LHX6: variants seen among roughly 807,000 people sequenced by gnomAD.
LHX6 encodes LIM homeobox 6, also known as LIM/homeobox protein Lhx6.
LHX6 carries 15 observed loss-of-function variants against 47.1 expected under a neutral mutation model. The observed-to-expected ratio is 0.32, with a 90% CI of 0.21 to 0.49. The LOEUF (loss-of-function observed/expected upper bound fraction) is 0.49. LHX6 is among the 20% of genes least tolerant of loss of function. LHX6 has a pLI of 0.99. For synonymous variants in LHX6, 242 were observed against 233.5 expected, an observed-to-expected ratio of 1.04 and a Z score of -0.33; for missense variants, 404 against 539.6, an observed-to-expected ratio of 0.75 and a Z score of 2.49.
At position 122,204,514 on chromosome 9, in the gene LHX6, C is replaced by T. The variant is rs1314946841; in HGVS notation, c.*246G>A. The T allele has an allele frequency of 7.1e-6, 3 of 424,126 alleles. No homozygotes were observed. Among genetic ancestry groups the T allele is most frequent in the Non-Finnish European group, 4.2e-6 (1 of 238,696 alleles). 26.3% of individuals were successfully genotyped at this position (424,126 alleles called of 1,614,324 possible). A position where few individuals can be genotyped will look rare whatever the true frequency, so the allele number is the denominator to read the frequency against. On this transcript the variant is annotated 3_prime_UTR_variant, in exon 10 of 10. Transcript: ENST00000394319. ...ATGGGAAAAACAGGCTGTTTCCACC[C>T]TGATTCCAGATTTCAGGGAGTTCTG...
Position 122,217,043 on chromosome 9 carries a change from G to T in LHX6, c.682+25C>A, listed in dbSNP as rs1356057831. 6.2e-7 allele frequency: 1 copy of T among 1,600,022 alleles called. No individual in the cohort carries two copies. Among genetic ancestry groups the T allele is most frequent in the Non-Finnish European group, 8.6e-7 (1 of 1,167,556 alleles). On this transcript the variant is annotated intron_variant, in intron 5 of 9. Coordinates refer to ENST00000394319, the MANE Select transcript of LHX6 (RefSeq NM_014368.5). This position sits in a 1 kb window ranked among gnomAD's most constrained non-coding sequence, Gnocchi z 4.9. ...GGGTGGGAAAGGGCTGGGGGCAGAG[G>T]TGCCAGGCGGAGCAGGTTGGGTACC...
intron 1 of LHX6, chr9:122,227,817 C>A (rs1419313777): frequency 2.0e-5 from 7 of 356,132 alleles, no homozygotes; most frequent in Non-Finnish European, 5.0e-6. Context: ...TAGAAATTGT[C>A]GTGAATGCCC....
chr9:122,228,414 G>C, intron 1 of LHX6: 1 of 1,484,004 alleles, frequency 6.7e-7, no homozygotes. Flanking sequence ...CTCTTGATTC[G>C]CCTGTGTCTT....
At chr9:122,212,399 T>G (rs1830431127) in intron 8 of LHX6, among the ~76,000 whole-genome samples, 1 of 152,188 alleles carries the variant, frequency 6.6e-6, no homozygotes. Context: ...AGAGACACAG[T>G]CAGTAGAATA....
chr9:122,222,936 T>C (rs1250810141), intron 4 of LHX6, among the ~76,000 whole-genome samples: 2 of 152,174 alleles, frequency 1.3e-5, no homozygotes, highest in African/African-American at 4.8e-5. Context: ...ACCAGACCCT[T>C]GACCCCGGGC....
chr9:122,219,215 A>C (rs924255835), intron 4 of LHX6, among the ~76,000 whole-genome samples: 2 of 152,244 alleles, frequency 1.3e-5, no homozygotes, highest in Non-Finnish European at 2.9e-5. Flanking sequence ...GGCTTCTGCC[A>C]GTCTCCGCTC....
At chr9:122,228,119 C>T (rs926306492) in intron 1 of LHX6, 16 of 609,090 alleles carry the variant, frequency 2.6e-5, no homozygotes, top group East Asian at 1.4e-4. Flanking sequence ...CCCGCCCGCC[C>T]GCCTGACACG....
At chr9:122,228,328 A>C in intron 1 of LHX6, 2 of 1,534,360 alleles carry the variant, frequency 1.3e-6, no homozygotes, top group Non-Finnish European at 1.7e-6. Context: ...CGGGATTCTC[A>C]GCGCTGCGCC....
chr9:122,228,373 C>G, intron 1 of LHX6: 1 of 1,525,152 alleles, frequency 6.6e-7, no homozygotes, highest in African/African-American at 1.4e-5. Context: ...CTATCAGCGC[C>G]TATTCAGACG....
intron 4 of LHX6, among the ~76,000 whole-genome samples, chr9:122,222,248 T>C (rs1187530371): frequency 2.0e-5 from 3 of 152,148 alleles, no homozygotes; most frequent in Admixed American, 6.5e-5. Flanking sequence ...GCTGCAGGTA[T>C]GTCTGGGGCT....
Position 122,226,455 on chromosome 9 carries a change from C to T in LHX6, c.382G>A (p.Val128Met), listed in dbSNP as rs1344100877. The change falls in exon 4 of 10, where the codon GTG (valine) becomes ATG (methionine). Residue 128 changes from valine to methionine, a missense_variant. Coordinates refer to ENST00000394319, the MANE Select transcript of LHX6 (RefSeq NM_014368.5). This position sits in a 1 kb window ranked among gnomAD's most constrained non-coding sequence, Gnocchi z 6.5. ...IWHVRCLECS[V>M]CRTSLRQQNS... Reference sequence around the variant, plus strand: ...TGCTGCCTCAGCGACGTGCGACACACGGAGCACTCGAGGCACCGCACGTGC... The same window carrying T: ...TGCTGCCTCAGCGACGTGCGACACATGGAGCACTCGAGGCACCGCACGTGC... 1.9e-6 allele frequency: 3 copies of T among 1,613,616 alleles called. No individual in the cohort carries two copies. The highest frequency in any genetic ancestry group is 1.1e-5 in the South Asian group (1 of 91,062).
rs752726361 is a variant in LHX6 at position 122,217,075 on chromosome 9, G to T, written c.675C>A (p.Ala225=). Residue 225 remains alanine, a synonymous_variant, in exon 5 of 10, where the codon GCC becomes GCA. Coordinates refer to ENST00000394319, the MANE Select transcript of LHX6 (RefSeq NM_014368.5). The surrounding 1 kb of genome is among the most constrained non-coding windows in gnomAD (Gnocchi z 4.9). ...GCGGAGCAGGTTGGGTACCGTTCTCGGCGGCCCTCTTGAGGTTCTCAATCA... is the reference window on the plus strand; with the variant it reads ...GCGGAGCAGGTTGGGTACCGTTCTCTGCGGCCCTCTTGAGGTTCTCAATCA... ...DTMIENLKRA[A]ENGNGLTLEG... is the part of the protein sequence containing the mutation. 2 of 1,613,900 alleles carry T rather than the reference G, an allele frequency of 1.2e-6. No individual in the cohort carries two copies. The highest frequency in any genetic ancestry group is 1.7e-5 in the Admixed American group (1 of 60,004).
intron 5 of LHX6, among the ~76,000 whole-genome samples, chr9:122,216,058 G>A (rs1054478319): frequency 4.6e-5 from 7 of 152,160 alleles, no homozygotes; most frequent in African/African-American, 1.7e-4. Context: ...GGTGTGGTAT[G>A]GTATGATATG....
intron 9 of LHX6, among the ~76,000 whole-genome samples, chr9:122,208,356 C>T (rs1320691019): frequency 6.6e-6 from 1 of 152,108 alleles, no homozygotes; most frequent in Non-Finnish European, 1.5e-5. Flanking sequence ...CCCCAGCTCC[C>T]ATGGCTTCCC....
chr9:122,228,410 AT>A, intron 1 of LHX6: 1 of 1,491,506 alleles, frequency 6.7e-7, no homozygotes, highest in Non-Finnish European at 8.8e-7. Flanking sequence ...CCTCCTCTTG[AT>A]TCGCCTGTGT....
chr9:122,213,944 G>A lies in LHX6; in HGVS notation c.879+30C>T. 1 of 1,519,970 alleles carries A rather than the reference G, an allele frequency of 6.6e-7. No individual in the cohort carries two copies. The allele number at this position is 1,519,970 out of a possible 1,614,324, so 94.2% of individuals were successfully genotyped here. ...CTACGAGCTCCGGGGCGTGCCCGCG[G>A]TCCCCAGGCCCCGCCCACCCCCGTC... On this transcript the variant is annotated intron_variant, in intron 7 of 9. Coordinates refer to ENST00000394319, the MANE Select transcript of LHX6 (RefSeq NM_014368.5). The surrounding 1 kb of genome is among the most constrained non-coding windows in gnomAD (Gnocchi z 5.5).
Position 122,214,013 on chromosome 9 carries a change from C to A in LHX6, c.840G>T (p.Lys280Asn). The change falls in exon 7 of 10, where the codon AAG becomes AAT. Residue 280 changes from lysine to asparagine, a missense_variant. By Grantham distance (94) the Lys-to-Asn change is moderately conservative. Coordinates refer to ENST00000394319, the MANE Select transcript of LHX6 (RefSeq NM_014368.5). This position sits in a 1 kb window ranked among gnomAD's most constrained non-coding sequence, Gnocchi z 4.6. ...GGCTGAGGCCCGTCATGTCCGCCAG[C>A]TTCTGCAGCGTCTGAGCGTCGGGGT... ...DNNPDAQTLQ[K>N]LADMTGLSRR... is the part of the protein sequence containing the mutation. The A allele has an allele frequency of 6.2e-7, 1 of 1,602,462 alleles. No homozygotes were observed. The highest frequency in any genetic ancestry group is 8.5e-7 in the Non-Finnish European group (1 of 1,179,586).
intron 9 of LHX6, 39 bp downstream of exon 9, chr9:122,209,575 G>A (rs780215678): frequency 2.5e-6 from 4 of 1,613,316 alleles, no homozygotes; most frequent in Middle Eastern, 1.6e-4. Context: ...CCCCAGCAGG[G>A]TGGCTCTGAC....
In LHX6 at chr9:122,226,962, C is replaced by T. The variant is rs1831128791; in HGVS notation, c.225G>A (p.Thr75=). Residue 75 remains threonine (T), a synonymous_variant, in exon 3 of 10, where the codon ACG becomes ACA. Transcript: ENST00000394319. This position sits in a 1 kb window ranked among gnomAD's most constrained non-coding sequence, Gnocchi z 6.5. ...GTGAGCAGACAGATGGCGTGCTGGG[C>T]GTACATGGGGAGGCCTGACCCTCGT... ...DKDEGQASPC[T]PSTPSVCSPP... 4.5e-6 allele frequency: 7 copies of T among 1,552,806 alleles called. No homozygotes were observed. The highest frequency in any genetic ancestry group is 6.1e-6 in the Non-Finnish European group (7 of 1,148,376).
Sources: gnomAD v4.1 joint callset for allele counts (sites outside exome capture counted in the v4.1 genomes callset) on GRCh38, gnomAD v4.1.1 for gene constraint, Gnocchi (gnomAD v3.1) non-coding constraint, MANE v1.5 for transcripts, NCBI Gene and HGNC (gene_info 2026-07-23, HGNC 2026-07-21) for gene names.